Variants in FAF1 observed in about 807,000 individuals in gnomAD.
FAF1 encodes Fas associated factor 1.
A neutral mutation model predicts 92.5 loss-of-function variants in FAF1; 25 were observed. The ratio of observed to expected loss-of-function variants is 0.27; its 90% CI spans 0.20 to 0.38. FAF1 has a LOEUF of 0.38. Among genes scored for constraint, FAF1 ranks in the 10% least tolerant of loss-of-function variants. FAF1 has a pLI of 1.00. For synonymous variants in FAF1, 234 were observed against 273.2 expected, an observed-to-expected ratio of 0.86 and a Z score of 1.42; for missense variants, 636 against 793.3, an observed-to-expected ratio of 0.80 and a Z score of 2.38.
chr1:50,882,183 C>A (rs1274155336), intron 1 of FAF1, among the ~76,000 whole-genome samples: 1 of 152,132 alleles, frequency 6.6e-6, no homozygotes, highest in East Asian at 1.9e-4. Context: ...AAGCCTAAGC[C>A]CTAAATTAAG....
intron 1 of FAF1, among the ~76,000 whole-genome samples, chr1:50,900,150 AT>A (rs1251408117): frequency 6.6e-6 from 1 of 152,198 alleles, no homozygotes; most frequent in Admixed American, 6.5e-5. Flanking sequence ...AGGAAACTGT[AT>A]ACATTCTCTC....
At chr1:50,618,250 C>T (rs1653019490) in intron 8 of FAF1, among the ~76,000 whole-genome samples, 1 of 151,832 alleles carries the variant, frequency 6.6e-6, no homozygotes, top group Non-Finnish European at 1.5e-5. Context: ...AATTTTAGAG[C>T]TTTCTAACTA....
rs12057347 is a variant in FAF1 at position 50,862,324 on chromosome 1, C to A, written c.46-4327G>T. 9.9e-3 allele frequency among the ~76,000 whole-genome samples: 1,502 copies of A among 151,692 alleles called. 23 individuals carry two copies. Among genetic ancestry groups the A allele is most frequent in the African/African-American group, 0.034 (1,426 of 41,410 alleles). ...CATCATCTTAAACATACTTATAGAG[C>A]TAAAATACCATGAACAAAAAGCTAA... On this transcript the variant is annotated intron_variant, in intron 1 of 18. Coordinates refer to ENST00000396153, the MANE Select transcript of FAF1 (RefSeq NM_007051.3).
Position 50,769,076 on chromosome 1 carries a change from A to G in FAF1, c.367+18924T>C, listed in dbSNP as rs542518967. 1.4e-4 allele frequency among the ~76,000 whole-genome samples: 21 copies of G among 152,100 alleles called. No individual in the cohort carries two copies. The East Asian group carries it at 4.1e-3, about 29-fold the overall frequency. ...AAAAACAGGAGAGAAAGAGAGAGAGATAGCTCCAAATAAACACAGTCAAAA... is the reference window on the plus strand; with the variant it reads ...AAAAACAGGAGAGAAAGAGAGAGAGGTAGCTCCAAATAAACACAGTCAAAA... On this transcript the variant is annotated intron_variant, in intron 4 of 18. Transcript: ENST00000396153.
chr1:50,848,427 A>T (rs1283228183), intron 2 of FAF1, among the ~76,000 whole-genome samples: 1 of 152,266 alleles, frequency 6.6e-6, no homozygotes, highest in African/African-American at 2.4e-5. Context: ...ACTACTAAAA[A>T]TAATTTTAAG....
chr1:50,490,255 G>A (rs1326009611), intron 17 of FAF1, among the ~76,000 whole-genome samples: 1 of 152,124 alleles, frequency 6.6e-6, no homozygotes, highest in Non-Finnish European at 1.5e-5. Flanking sequence ...AGCTACTTGG[G>A]AGGCTGAGGC....
chr1:50,588,123 C>A (rs1191207872), intron 9 of FAF1, among the ~76,000 whole-genome samples: 1 of 152,138 alleles, frequency 6.6e-6, no homozygotes, highest in African/African-American at 2.4e-5. Context: ...CCCATCTCCA[C>A]TAAAAACACA....
intron 8 of FAF1, chr1:50,612,531 T>TTG: frequency 1.0e-6 from 1 of 966,240 alleles, no homozygotes; most frequent in Non-Finnish European, 1.2e-6. Context: ...ACTTGGCTCA[T>TTG]GTCTAGTCAA....
chr1:50,604,497 G>A (rs1025768465), intron 8 of FAF1, among the ~76,000 whole-genome samples: 2 of 151,988 alleles, frequency 1.3e-5, no homozygotes, highest in African/African-American at 4.8e-5. Flanking sequence ...TCCTAATCTC[G>A]GTTTTTCTTT....
intron 7 of FAF1, among the ~76,000 whole-genome samples, chr1:50,680,028 C>G (rs1445141860): frequency 6.6e-6 from 1 of 152,136 alleles, no homozygotes. Flanking sequence ...ATCTATAATA[C>G]AGTAAATGCT....
chr1:50,795,275 C>G (rs879703707), intron 3 of FAF1, among the ~76,000 whole-genome samples: 3 of 152,208 alleles, frequency 2.0e-5, no homozygotes, highest in Non-Finnish European at 4.4e-5. Context: ...GGGCAGTGAT[C>G]TATCTTCTCT....
intron 2 of FAF1, among the ~76,000 whole-genome samples, chr1:50,838,772 A>G (rs1268389297): frequency 6.6e-6 from 1 of 152,038 alleles, no homozygotes; most frequent in African/African-American, 2.4e-5. Context: ...TGATAACTAT[A>G]AAGAACACAT....
intron 2 of FAF1, among the ~76,000 whole-genome samples, chr1:50,857,209 CAT>C (rs1251610034): frequency 2.6e-5 from 4 of 151,798 alleles, no homozygotes; most frequent in African/African-American, 9.7e-5. Context: ...GTCCACATAA[CAT>C]ATGTGTGCAT....
chr1:50,539,266 C>T (rs950476674), intron 14 of FAF1, among the ~76,000 whole-genome samples: 3 of 152,092 alleles, frequency 2.0e-5, no homozygotes, highest in African/African-American at 7.2e-5. Context: ...AACATTATAA[C>T]AATAAATCAA....
chr1:50,598,462 TAAAAAAAAAAAA>T (rs890794436), intron 8 of FAF1, among the ~76,000 whole-genome samples: 1 of 112,364 alleles, frequency 8.9e-6, no homozygotes, highest in Admixed American at 9.5e-5. Context: ...AACCTGTCTT[TAAAAAAAAAAAA>T]AAAAAAAAAA....
chr1:50,803,889 A>G (rs1184525991), intron 2 of FAF1, among the ~76,000 whole-genome samples: 1 of 152,222 alleles, frequency 6.6e-6, no homozygotes, highest in Non-Finnish European at 1.5e-5. Flanking sequence ...AAGGTACAAT[A>G]AAAGTATAAT....
intron 2 of FAF1, among the ~76,000 whole-genome samples, chr1:50,808,477 A>T (rs1374020278): frequency 6.6e-6 from 1 of 152,104 alleles, no homozygotes; most frequent in Non-Finnish European, 1.5e-5. Context: ...TTGGATAAGG[A>T]AGCAAGACCT....
At chr1:50,729,505 C>G (rs957769185) in intron 6 of FAF1, among the ~76,000 whole-genome samples, 1 of 151,812 alleles carries the variant, frequency 6.6e-6, no homozygotes, top group Non-Finnish European at 1.5e-5. Context: ...CTCCTGGGTT[C>G]AAGCAATTCT....
intron 1 of FAF1, among the ~76,000 whole-genome samples, chr1:50,951,744 C>T (rs926725284): frequency 6.6e-6 from 1 of 152,210 alleles, no homozygotes; most frequent in African/African-American, 2.4e-5. Context: ...AGATTACTTG[C>T]TCCCAGGAAT....
Sources: allele counts gnomAD v4.1 joint callset (sites outside exome capture counted in the v4.1 genomes callset), GRCh38; gene constraint gnomAD v4.1.1; transcripts MANE v1.5; gene names NCBI Gene and HGNC (gene_info 2026-07-23, HGNC 2026-07-21).